Variants in CBL observed in about 807,000 individuals in gnomAD.
CBL encodes the protein E3 ubiquitin-protein ligase CBL.
A neutral mutation model predicts 96.9 loss-of-function variants in CBL; 45 were observed. The ratio of observed to expected loss-of-function variants is 0.46; its 90% CI spans 0.37 to 0.60. The LOEUF (loss-of-function observed/expected upper bound fraction) is 0.60, where lower values mean the gene tolerates loss of function less well. CBL is among the 20% of genes least tolerant of loss of function. The pLI is 0.00. For missense variants in CBL, 1,024 were observed against 1,143.5 expected (o/e 0.90, Z 1.51); for synonymous variants, 420 against 426.8 (o/e 0.98, Z 0.20).
chr11:119,278,690 A>T lies in CBL; in HGVS notation c.1408A>T (p.Met470Leu). ...ACGAGCTGATGATACTCTCTTCATG[A>T]TGAAGGAATTGGCTGGTGCCAAGGT... ...DERADDTLFMMKELAGAKVER... is the reference protein window; with the variant it reads ...DERADDTLFMLKELAGAKVER... The change falls in exon 9 of 16, where the codon ATG (methionine) becomes TTG (leucine). Residue 470 changes from methionine (M) to leucine (L), a missense_variant. Transcript: ENST00000264033. 6.2e-7 allele frequency: 1 copy of T among 1,614,178 alleles called. No homozygotes were observed. Among genetic ancestry groups the T allele is most frequent in the Non-Finnish European group, 8.5e-7 (1 of 1,180,020 alleles).
chr11:119,253,946 G>A (rs889352730), intron 2 of CBL, among the ~76,000 whole-genome samples: 1 of 142,620 alleles, frequency 7.0e-6, no homozygotes, highest in African/African-American at 2.6e-5. Flanking sequence ...CTTGAGGCCA[G>A]GAGTTTGAGT....
intron 15 of CBL, among the ~76,000 whole-genome samples, chr11:119,299,060 C>T (rs1950082096): frequency 6.6e-6 from 1 of 152,230 alleles, no homozygotes; most frequent in Non-Finnish European, 1.5e-5. Context: ...AAAAAGAATA[C>T]AGCCTTCGCT....
chr11:119,301,701 A>G lies in CBL; in HGVS notation c.*1920A>G, dbSNP rs1338675477. 1.3e-5 allele frequency: 3 copies of G among 233,296 alleles called. No individual in the cohort carries two copies. Among genetic ancestry groups the G allele is most frequent in the East Asian group, 1.2e-4 (2 of 16,588 alleles). 14.5% of individuals were successfully genotyped at this position (233,296 alleles called of 1,614,324 possible). On this transcript the variant is annotated 3_prime_UTR_variant, in exon 16 of 16. Transcript: ENST00000264033. ...GCTGTGGTTACCCAGTGTCTTCTCT[A>G]CATGGCATAAAGCGGCAAAGCCCAC... is the stretch of plus-strand genomic sequence containing the variant.
intron 1 of CBL, among the ~76,000 whole-genome samples, chr11:119,219,267 T>C (rs1038800531): frequency 5.9e-5 from 9 of 151,488 alleles, no homozygotes; most frequent in African/African-American, 2.2e-4. Context: ...TAATCCCATC[T>C]ACGTGGGAGG....
chr11:119,267,879 G>T (rs1949815780), intron 2 of CBL, among the ~76,000 whole-genome samples: 1 of 152,210 alleles, frequency 6.6e-6, no homozygotes, highest in African/African-American at 2.4e-5. Flanking sequence ...TTCAGATGAT[G>T]TAAGAGAACT....
intron 1 of CBL, among the ~76,000 whole-genome samples, chr11:119,211,494 T>C (rs1041175254): frequency 6.6e-6 from 1 of 152,158 alleles, no homozygotes; most frequent in African/African-American, 2.4e-5. Context: ...TTTGTTGTTA[T>C]TGTTACAACT....
intron 9 of CBL, 55 bp downstream of exon 9, chr11:119,278,768 C>T (rs1364732712): frequency 7.4e-7 from 1 of 1,345,952 alleles, no homozygotes; most frequent in Admixed American, 1.7e-5. Context: ...TCTTCTAAAG[C>T]CGTAAAACAC....
intron 1 of CBL, among the ~76,000 whole-genome samples, chr11:119,216,130 C>T (rs1949358146): frequency 6.6e-6 from 1 of 152,146 alleles, no homozygotes; most frequent in Non-Finnish European, 1.5e-5. Flanking sequence ...CCTCTGGGTC[C>T]CCTCTCTGCT....
At chr11:119,226,997 C>G (rs569607467) in intron 1 of CBL, among the ~76,000 whole-genome samples, 7 of 152,262 alleles carry the variant, frequency 4.6e-5, no homozygotes, top group African/African-American at 1.2e-4. Context: ...CAACCACTTA[C>G]CACTTTAAGA....
rs543444388 is a variant in CBL at position 119,277,985 on chromosome 11, C to A, written c.1095+141C>A. On this transcript the variant is annotated intron_variant, in intron 7 of 15. Coordinates refer to ENST00000264033, the MANE Select transcript of CBL (RefSeq NM_005188.4). ...GTGTGTATGTGGTTTCACTTTAAAC[C>A]CTGGAGCTTAAAATAGGACCCAGAC... 2.3e-4 allele frequency: 203 copies of A among 866,180 alleles called. 1 individual carries two copies. In the South Asian group the frequency reaches 2.9e-3, roughly 12 times the overall value. The allele number at this position is 866,180 out of a possible 1,614,324, so 53.7% of individuals were successfully genotyped here.
intron 9 of CBL, among the ~76,000 whole-genome samples, chr11:119,284,063 T>G (rs569190180): frequency 6.6e-6 from 1 of 152,284 alleles, no homozygotes; most frequent in Non-Finnish European, 1.5e-5. Flanking sequence ...TTTAGAGGGA[T>G]CTCACTATGT....
Position 119,287,960 on chromosome 11 carries a change from A to C in CBL, c.2036+14A>C, listed in dbSNP as rs539505218. The C allele has an allele frequency of 2.8e-5, 44 of 1,584,920 alleles. 1 individual carries two copies. In the South Asian group the frequency reaches 4.6e-4, roughly 17 times the overall value. On this transcript the variant is annotated intron_variant, in intron 12 of 15. Coordinates refer to ENST00000264033, the MANE Select transcript of CBL (RefSeq NM_005188.4). The stretch of plus-strand genomic sequence containing the variant: ...TCTGGCTGCCAGGTAAGTCTGCTAA[A>C]GCTATATTTTGTACAGTGGAGTTGT...
rs749044865 is a variant in CBL, at chr11:119,278,647, T to C, written c.1365T>C (p.Tyr455=). The change falls in exon 9 of 16, where the codon TAT becomes TAC. Residue 455 remains tyrosine, a synonymous_variant. Coordinates refer to ENST00000264033, the MANE Select transcript of CBL (RefSeq NM_005188.4). ...CAGAGGGAGCTCCCTCCCCAAATTA[T>C]GATGATGATGATGATGAACGAGCTG... ...QGAEGAPSPN[Y]DDDDDERADD... 1.3e-6 allele frequency: 2 copies of C among 1,580,582 alleles called. No individual in the cohort carries two copies. The highest frequency in any genetic ancestry group is 1.7e-5 in the Admixed American group (1 of 59,622).
intron 2 of CBL, among the ~76,000 whole-genome samples, chr11:119,245,093 A>G (rs1168787705): frequency 6.6e-6 from 1 of 150,954 alleles, no homozygotes; most frequent in African/African-American, 2.4e-5. Context: ...GCTGGTCTTG[A>G]ATGCCTGGCC....
chr11:119,252,654 G>A (rs1012402409), intron 2 of CBL, among the ~76,000 whole-genome samples: 13 of 151,976 alleles, frequency 8.6e-5, no homozygotes, highest in African/African-American at 3.1e-4. Context: ...TCAGGAGTTC[G>A]AGACCAGCCT....
rs568908387 is a variant in CBL, at chr11:119,301,330, G to C, written c.*1549G>C. On this transcript the variant is annotated 3_prime_UTR_variant, in exon 16 of 16. Coordinates refer to ENST00000264033, the MANE Select transcript of CBL (RefSeq NM_005188.4). ...GTCCAGTTGGGAGAACTATTAGTCAGTTCTTTTATATGCTGATAAATGATC... is the reference window on the plus strand; with the variant it reads ...GTCCAGTTGGGAGAACTATTAGTCACTTCTTTTATATGCTGATAAATGATC... The C allele has an allele frequency of 4.3e-6, 1 of 233,230 alleles. No individual in the cohort carries two copies. Among genetic ancestry groups the C allele is most frequent in the African/African-American group, 2.2e-5 (1 of 45,462 alleles). 14.4% of individuals were successfully genotyped at this position (233,230 alleles called of 1,614,324 possible).
At chr11:119,222,936 G>A (rs899690473) in intron 1 of CBL, among the ~76,000 whole-genome samples, 1 of 152,090 alleles carries the variant, frequency 6.6e-6, no homozygotes, top group African/African-American at 2.4e-5. Flanking sequence ...CAGCATTTTG[G>A]GATGCCAGGA....
chr11:119,206,525 C>G lies in CBL; in HGVS notation c.108C>G (p.His36Gln), dbSNP rs748961080. ...IGLMKDAFQP[H>Q]HHHHHHLSPH... ...TCATGAAGGACGCCTTCCAGCCGCACCACCACCACCACCACCACCTCAGCC... is the reference window on the plus strand; with the variant it reads ...TCATGAAGGACGCCTTCCAGCCGCAGCACCACCACCACCACCACCTCAGCC... The change falls in exon 1 of 16, where the codon CAC becomes CAG. Residue 36 changes from histidine (H) to glutamine (Q), a missense_variant. Transcript: ENST00000264033. 3 of 1,519,134 alleles carry G rather than the reference C, an allele frequency of 2.0e-6. No homozygotes were observed. The highest frequency in any genetic ancestry group is 2.7e-6 in the Non-Finnish European group (3 of 1,127,380). The allele number at this position is 1,519,134 out of a possible 1,614,324, so 94.1% of individuals were successfully genotyped here.
chr11:119,214,033 C>T (rs1949338542), intron 1 of CBL, among the ~76,000 whole-genome samples: 1 of 152,200 alleles, frequency 6.6e-6, no homozygotes, highest in Admixed American at 6.6e-5. Context: ...CAACCTCCAC[C>T]TCCTGGATTC....
Sources: allele counts gnomAD v4.1 joint callset (sites outside exome capture counted in the v4.1 genomes callset), GRCh38; gene constraint gnomAD v4.1.1; transcripts MANE v1.5; gene names NCBI Gene and HGNC (gene_info 2026-07-23, HGNC 2026-07-21).